Variants in SRGN observed in about 807,000 individuals in gnomAD.
SRGN encodes the protein hematopoetic proteoglycan core peptide.
In SRGN, 2 loss-of-function variants were observed where a neutral mutation model predicts 9.5. The ratio of observed to expected loss-of-function variants is 0.21; its 90% CI spans 0.09 to 0.66. The LOEUF is 0.66. Among genes scored for constraint, SRGN ranks in the 30% least tolerant of loss-of-function variants. The pLI, the probability that SRGN is intolerant of heterozygous loss-of-function variation, is 0.83. For missense variants in SRGN, 170 were observed against 192.4 expected, an observed-to-expected ratio of 0.88 and a Z score of 0.69; for synonymous variants, 59 against 72.3, an observed-to-expected ratio of 0.82 and a Z score of 0.93.
intron 2 of SRGN, among the ~76,000 whole-genome samples, chr10:69,099,416 T>TC (rs1280318851): frequency 6.6e-6 from 1 of 151,488 alleles, no homozygotes; most frequent in African/African-American, 2.4e-5. Context: ...TCTTCCTGCC[T>TC]CAGCCTCCCA....
chr10:69,090,928 AG>A (rs934161562), intron 1 of SRGN, among the ~76,000 whole-genome samples: 1 of 152,186 alleles, frequency 6.6e-6, no homozygotes, highest in African/African-American at 2.4e-5. Context: ...ACACCCATAA[AG>A]AAAAAAAATG....
chr10:69,103,309 G>GA (rs747603016), intron 2 of SRGN, among the ~76,000 whole-genome samples: 12 of 44,226 alleles, frequency 2.7e-4, no homozygotes, highest in African/African-American at 6.3e-4. Context: ...CCAGCACTTT[G>GA]GGAGGTGGGT....
chr10:69,090,851 T>A, intron 1 of SRGN, among the ~76,000 whole-genome samples: 1 of 152,190 alleles, frequency 6.6e-6, no homozygotes, highest in Non-Finnish European at 1.5e-5. Context: ...ATCTATTTAA[T>A]GTAGGGCTCC....
At chr10:69,103,172 TC>T (rs1228191953) in intron 2 of SRGN, among the ~76,000 whole-genome samples, 2 of 152,074 alleles carry the variant, frequency 1.3e-5, no homozygotes, top group African/African-American at 2.4e-5. Context: ...ACTCCTGACC[TC>T]AAGTGATCAC....
chr10:69,090,510 T>G (rs1156750170), intron 1 of SRGN, among the ~76,000 whole-genome samples: 1 of 152,158 alleles, frequency 6.6e-6, no homozygotes, highest in Non-Finnish European at 1.5e-5. Flanking sequence ...CCTCTCTCCT[T>G]GGCTTATAGA....
chr10:69,094,998 C>A (rs1206043990), intron 1 of SRGN, among the ~76,000 whole-genome samples: 1 of 152,016 alleles, frequency 6.6e-6, no homozygotes, highest in East Asian at 1.9e-4. Context: ...TACAATGCCA[C>A]ATTGTCTTTT....
At chr10:69,093,724 G>C (rs766238742) in intron 1 of SRGN, among the ~76,000 whole-genome samples, 1 of 152,024 alleles carries the variant, frequency 6.6e-6, no homozygotes, top group Non-Finnish European at 1.5e-5. Context: ...AAAATTAGCC[G>C]GGCATGGTGG....
At chr10:69,088,008 A>C, upstream of SRGN, 1 of 597,460 alleles carries the variant, frequency 1.7e-6, no homozygotes, top group Non-Finnish European at 3.0e-6. Context: ...TTTGATGTGG[A>C]TGTCTTTCTA....
At chr10:69,093,159 G>A (rs1228045017) in intron 1 of SRGN, among the ~76,000 whole-genome samples, 1 of 152,160 alleles carries the variant, frequency 6.6e-6, no homozygotes, top group Non-Finnish European at 1.5e-5. Context: ...CAGTACGGTA[G>A]CCACAAGTCA....
chr10:69,097,505 C>T (rs1038654376), intron 2 of SRGN, among the ~76,000 whole-genome samples: 4 of 149,076 alleles, frequency 2.7e-5, no homozygotes, highest in Non-Finnish European at 5.9e-5. Context: ...CGGCTCACTG[C>T]AAGCTCCACC....
chr10:69,092,318 G>A (rs1472738688), intron 1 of SRGN, among the ~76,000 whole-genome samples: 1 of 152,306 alleles, frequency 6.6e-6, no homozygotes, highest in Non-Finnish European at 1.5e-5. Context: ...GAATAGCTAT[G>A]TCAAGAATTT....
intron 1 of SRGN, among the ~76,000 whole-genome samples, chr10:69,090,164 T>A (rs1189625428): frequency 4.6e-5 from 7 of 152,280 alleles, no homozygotes; most frequent in African/African-American, 1.7e-4. Context: ...TGGCTGCACA[T>A]GTGAGTGACT....
chr10:69,099,333 G>T (rs1338834145), intron 2 of SRGN, among the ~76,000 whole-genome samples: 8 of 149,942 alleles, frequency 5.3e-5, no homozygotes, highest in Non-Finnish European at 1.0e-4. Context: ...TTGAGACAGG[G>T]TCTCCTCTGT....
In SRGN at chr10:69,103,951, G is replaced by A; in HGVS notation, c.308G>A (p.Gly103Asp). ...GGATCAGGCTTCGGCTCCGGCTCCG[G>A]CTCTGGATCAGGATCTGGGAGTGGC... is the stretch of plus-strand genomic sequence containing the variant. The part of the protein sequence containing the change: ...YSGSGFGSGS[G>D]SGSGSGSGFL... The change falls in exon 3 of 3, where the codon GGC (glycine) becomes GAC (aspartate). Residue 103 changes from glycine to aspartate, a missense_variant. Transcript: ENST00000242465. The A allele has an allele frequency of 6.2e-7, 1 of 1,614,188 alleles. No individual in the cohort carries two copies. The highest frequency in any genetic ancestry group is 8.5e-7 in the Non-Finnish European group (1 of 1,180,042).
chr10:69,092,185 A>G (rs1840077762), intron 1 of SRGN, among the ~76,000 whole-genome samples: 1 of 152,124 alleles, frequency 6.6e-6, no homozygotes, highest in Non-Finnish European at 1.5e-5. Context: ...GGAAGATAAC[A>G]TTTCTATCCA....
At chr10:69,093,635 T>C (rs946195132) in intron 1 of SRGN, among the ~76,000 whole-genome samples, 1 of 152,118 alleles carries the variant, frequency 6.6e-6, no homozygotes, top group Non-Finnish European at 1.5e-5. Flanking sequence ...CTCAGCACTT[T>C]GGGAGGCCAA....
intron 1 of SRGN, among the ~76,000 whole-genome samples, chr10:69,091,333 G>T (rs980688310): frequency 6.6e-6 from 1 of 152,172 alleles, no homozygotes. Flanking sequence ...TCCTTTGACC[G>T]TAGCCCTTGC....
At chr10:69,101,076 G>A (rs1233390129) in intron 2 of SRGN, among the ~76,000 whole-genome samples, 4 of 150,602 alleles carry the variant, frequency 2.7e-5, no homozygotes, top group African/African-American at 7.4e-5. Flanking sequence ...TCTGCCTCCC[G>A]GGTTCAAGTG....
At chr10:69,100,466 TAAGAG>T (rs1840266408) in intron 2 of SRGN, among the ~76,000 whole-genome samples, 1 of 152,172 alleles carries the variant, frequency 6.6e-6, no homozygotes, top group Non-Finnish European at 1.5e-5. Flanking sequence ...AATAAAATGT[TAAGAG>T]AATAGCTCAA....
Sources: gnomAD v4.1 joint callset for allele counts (sites outside exome capture counted in the v4.1 genomes callset) on GRCh38, gnomAD v4.1.1 for gene constraint, MANE v1.5 for transcripts, NCBI Gene and HGNC (gene_info 2026-07-23, HGNC 2026-07-21) for gene names.